The following ERBB4 variants were observed in gnomAD, a reference collection of about 807,000 sequenced individuals.
ERBB4 encodes the protein erb-b2 receptor tyrosine kinase 4, also known as receptor tyrosine-protein kinase erbB-4.
Under a neutral mutation model 158.0 loss-of-function variants are expected in ERBB4, and 42 were observed. The ratio of observed to expected loss-of-function variants is 0.27; its 90% CI spans 0.21 to 0.34. The LOEUF (loss-of-function observed/expected upper bound fraction) is 0.34. Ranked by LOEUF, ERBB4 falls within the 10% of genes least tolerant of loss-of-function variation. ERBB4 has a pLI of 1.00. For synonymous variants in ERBB4, 583 were observed against 558.7 expected, an observed-to-expected ratio of 1.04 and a Z score of -0.61; for missense variants, 1,333 against 1,624.1, an observed-to-expected ratio of 0.82 and a Z score of 3.08.
At chr2:212,089,637 C>T (rs949833767) in intron 2 of ERBB4, among the ~76,000 whole-genome samples, 3 of 152,090 alleles carry the variant, frequency 2.0e-5, no homozygotes, top group African/African-American at 7.2e-5. Context: ...GATGTCTGTT[C>T]CCACTTTGAC....
At chr2:211,830,121 AC>A (rs2077188457) in intron 3 of ERBB4, among the ~76,000 whole-genome samples, 1 of 151,606 alleles carries the variant, frequency 6.6e-6, no homozygotes, top group East Asian at 1.9e-4. Context: ...CTACTTATCC[AC>A]CCCCATATCC....
At chr2:212,381,171 A>G (rs993367848) in intron 1 of ERBB4, among the ~76,000 whole-genome samples, 3 of 151,362 alleles carry the variant, frequency 2.0e-5, no homozygotes, top group Non-Finnish European at 4.4e-5. Context: ...CACAGGAAAA[A>G]TGATTCAAAT....
At chr2:211,434,019 T>C (rs960371497) in intron 20 of ERBB4, among the ~76,000 whole-genome samples, 5 of 152,192 alleles carry the variant, frequency 3.3e-5, no homozygotes, top group Non-Finnish European at 7.3e-5. Flanking sequence ...TCAAGGAATA[T>C]TTATAAAATA....
intron 1 of ERBB4, among the ~76,000 whole-genome samples, chr2:212,260,145 T>G (rs2084886377): frequency 6.6e-6 from 1 of 151,900 alleles, no homozygotes; most frequent in South Asian, 2.1e-4. Context: ...CTTTATGAAA[T>G]ATCCACCTTA....
At chr2:211,414,336 A>C (rs1441544937) in intron 25 of ERBB4, among the ~76,000 whole-genome samples, 1 of 151,920 alleles carries the variant, frequency 6.6e-6, no homozygotes, top group Admixed American at 6.6e-5. Flanking sequence ...GTCTCTACTA[A>C]AAATACAAAA....
At chr2:212,089,265 A>C (rs1256237253) in intron 2 of ERBB4, among the ~76,000 whole-genome samples, 8 of 152,208 alleles carry the variant, frequency 5.3e-5, no homozygotes, top group African/African-American at 1.9e-4. Context: ...CTAATAAAAT[A>C]GATGTCTGGG....
At chr2:211,874,591 C>G (rs553975269) in intron 3 of ERBB4, among the ~76,000 whole-genome samples, 1 of 152,286 alleles carries the variant, frequency 6.6e-6, no homozygotes, top group South Asian at 2.1e-4. Context: ...CACTCTTGAT[C>G]TGCAAAATCC....
intron 19 of ERBB4, among the ~76,000 whole-genome samples, chr2:211,573,707 T>A (rs74266930): frequency 5.8e-3 from 29 of 4,966 alleles, no homozygotes; most frequent in African/African-American, 0.017. Context: ...TAGAAAATAT[T>A]AAAAAAAAAT....
At chr2:211,526,508 T>G (rs2066353356) in intron 20 of ERBB4, among the ~76,000 whole-genome samples, 1 of 152,078 alleles carries the variant, frequency 6.6e-6, no homozygotes, top group East Asian at 1.9e-4. Context: ...CCAAGAAGAA[T>G]GAGTACAAAC....
At chr2:212,175,076 T>C (rs1275227676) in intron 1 of ERBB4, among the ~76,000 whole-genome samples, 1 of 152,040 alleles carries the variant, frequency 6.6e-6, no homozygotes, top group East Asian at 1.9e-4. Flanking sequence ...ACGTTTCTTA[T>C]TCTTTCATCA....
At chr2:211,612,984 G>A (rs987764468) in intron 19 of ERBB4, among the ~76,000 whole-genome samples, 6 of 151,982 alleles carry the variant, frequency 3.9e-5, no homozygotes, top group African/African-American at 1.2e-4. Flanking sequence ...ATAAATGGGT[G>A]AAATCGAAGG....
chr2:212,180,268 T>C (rs1481375098), intron 1 of ERBB4, among the ~76,000 whole-genome samples: 1 of 151,684 alleles, frequency 6.6e-6, no homozygotes, highest in Non-Finnish European at 1.5e-5. Context: ...CTTCACTAAA[T>C]ACATGTGATA....
chr2:212,098,094 A>G (rs1044971878), intron 2 of ERBB4, among the ~76,000 whole-genome samples: 2 of 152,208 alleles, frequency 1.3e-5, no homozygotes, highest in African/African-American at 4.8e-5. Flanking sequence ...GACAATAAAG[A>G]AAACAAAGTG....
rs556589509 is a variant in ERBB4, at chr2:212,446,475, G to C, written c.82+91974C>G. ...TCTGCCCTCAGACATCGAACTCCAC[G>C]TTCTTCAGTTTTGGGACTCAGAATG... is the stretch of plus-strand genomic sequence containing the variant. On this transcript the variant is annotated intron_variant, in intron 1 of 27. Transcript: ENST00000342788. Among the ~76,000 whole-genome samples the C allele has an allele frequency of 1.0e-3, 155 of 148,282 alleles. 1 individual carries two copies. Among genetic ancestry groups the C allele is most frequent in the East Asian group, 4.0e-4 (2 of 5,046 alleles).
At chr2:212,245,119 C>A (rs1419536146) in intron 1 of ERBB4, among the ~76,000 whole-genome samples, 1 of 151,950 alleles carries the variant, frequency 6.6e-6, no homozygotes, top group Non-Finnish European at 1.5e-5. Context: ...TGTATATTAT[C>A]TTTTCAAAGT....
At chr2:212,336,963 G>A (rs1224359848) in intron 1 of ERBB4, among the ~76,000 whole-genome samples, 2 of 152,032 alleles carry the variant, frequency 1.3e-5, no homozygotes, top group African/African-American at 4.8e-5. Context: ...GTTGGTCTAT[G>A]GATCTCATTT....
chr2:211,727,690 T>C (rs1357124580), intron 5 of ERBB4, among the ~76,000 whole-genome samples: 1 of 152,006 alleles, frequency 6.6e-6, no homozygotes, highest in Non-Finnish European at 1.5e-5. Flanking sequence ...TCCTTTTCCA[T>C]TGAACATGAT....
At chr2:212,373,975 T>TATATATATCC (rs2090214107) in intron 1 of ERBB4, among the ~76,000 whole-genome samples, 1 of 112,128 alleles carries the variant, frequency 8.9e-6, no homozygotes, top group African/African-American at 3.4e-5. Flanking sequence ...TATATATCCA[T>TATATATATCC]ATATATATAT....
rs181524152 is a variant in ERBB4 at position 211,438,115 on chromosome 2, G to A, written c.2488-7015C>T. Among the ~76,000 whole-genome samples the A allele has an allele frequency of 1.5e-3, 234 of 152,186 alleles. 1 individual carries two copies. Among genetic ancestry groups the A allele is most frequent in the Non-Finnish European group, 2.0e-3 (134 of 68,002 alleles). On this transcript the variant is annotated intron_variant, in intron 20 of 27. Coordinates refer to ENST00000342788, the MANE Select transcript of ERBB4 (RefSeq NM_005235.3). Reference sequence around the variant, plus strand: ...CTGAGTGTTGTGAAACAGAAGTTTTGGACATATTGTTAACTAGGTTTATGA... The same window carrying A: ...CTGAGTGTTGTGAAACAGAAGTTTTAGACATATTGTTAACTAGGTTTATGA...
Sources: allele counts gnomAD v4.1 joint callset (sites outside exome capture counted in the v4.1 genomes callset), GRCh38; gene constraint gnomAD v4.1.1; transcripts MANE v1.5; gene names NCBI Gene and HGNC (gene_info 2026-07-23, HGNC 2026-07-21).